PDSS2: variants seen among roughly 807,000 people sequenced by gnomAD.
PDSS2 encodes the protein decaprenyl diphosphate synthase subunit 2, also known as all trans-polyprenyl-diphosphate synthase PDSS2.
In PDSS2, 31 loss-of-function variants were observed where a neutral mutation model predicts 44.5. That is an observed-to-expected ratio of 0.70 (90% confidence interval 0.52 to 0.94). The LOEUF is 0.94. Ranked by LOEUF, PDSS2 falls within the 40% of genes least tolerant of loss-of-function variation. The pLI is 0.00. For synonymous variants in PDSS2, 157 were observed against 180.3 expected, an observed-to-expected ratio of 0.87 and a Z score of 1.03; for missense variants, 452 against 482.2, an observed-to-expected ratio of 0.94 and a Z score of 0.59.
intron 2 of PDSS2, among the ~76,000 whole-genome samples, chr6:107,314,605 T>TG (rs1777144730): frequency 6.6e-6 from 1 of 152,208 alleles, no homozygotes. Flanking sequence ...AAAGAGGTTA[T>TG]GGTTTATTAC....
intron 3 of PDSS2, among the ~76,000 whole-genome samples, chr6:107,246,020 C>G (rs1291005584): frequency 6.6e-6 from 1 of 152,000 alleles, no homozygotes; most frequent in South Asian, 2.1e-4. Flanking sequence ...AATTTTCATA[C>G]TTATTACAGA....
chr6:107,457,381 C>G (rs1782078007), intron 1 of PDSS2, among the ~76,000 whole-genome samples: 3 of 152,192 alleles, frequency 2.0e-5, no homozygotes, highest in Admixed American at 2.0e-4. Context: ...GCATGTAAAT[C>G]TAAAACTACT....
intron 6 of PDSS2, 43 bp from the exon 7 acceptor site, chr6:107,193,897 A>T: frequency 7.9e-7 from 1 of 1,260,038 alleles, no homozygotes; most frequent in Non-Finnish European, 1.2e-6. Context: ...CTTCTCTAAA[A>T]GTTTAGTGCT....
intron 2 of PDSS2, among the ~76,000 whole-genome samples, chr6:107,318,924 G>T (rs993322005): frequency 1.3e-5 from 2 of 152,028 alleles, no homozygotes; most frequent in Admixed American, 6.6e-5. Flanking sequence ...GGAGACAGAG[G>T]TTGCAGTGAG....
At chr6:107,178,695 A>G (rs1771874461) in intron 7 of PDSS2, among the ~76,000 whole-genome samples, 1 of 152,170 alleles carries the variant, frequency 6.6e-6, no homozygotes, top group African/African-American at 2.4e-5. Flanking sequence ...TAGTATGTCT[A>G]AAGCACTTTG....
intron 4 of PDSS2, among the ~76,000 whole-genome samples, chr6:107,228,916 CT>C (rs1187272404): frequency 1.3e-5 from 2 of 152,002 alleles, no homozygotes; most frequent in African/African-American, 4.8e-5. Context: ...GTGACAGAAG[CT>C]TGAACAAATG....
At chr6:107,237,085 C>T (rs1774250798) in intron 4 of PDSS2, among the ~76,000 whole-genome samples, 1 of 151,740 alleles carries the variant, frequency 6.6e-6, no homozygotes, top group African/African-American at 2.4e-5. Flanking sequence ...ACAGGCATAC[C>T]ACCATGTCTG....
chr6:107,253,412 G>A (rs1774893999), intron 3 of PDSS2, among the ~76,000 whole-genome samples: 1 of 152,102 alleles, frequency 6.6e-6, no homozygotes. Context: ...TACTTTTTTT[G>A]CAGTGTTTTT....
chr6:107,401,468 A>ACCCCAGAT (rs1390821501), intron 1 of PDSS2, among the ~76,000 whole-genome samples: 1 of 152,220 alleles, frequency 6.6e-6, no homozygotes, highest in African/African-American at 2.4e-5. Context: ...AGCGACTGTT[A>ACCCCAGAT]CCCCAGATGT....
intron 1 of PDSS2, among the ~76,000 whole-genome samples, chr6:107,381,395 G>T (rs73513158): frequency 6.6e-6 from 1 of 152,076 alleles, no homozygotes; most frequent in South Asian, 2.1e-4. Flanking sequence ...CAGAAAACTG[G>T]CTCATCCTCT....
At chr6:107,209,456 T>G (rs143807040) in intron 6 of PDSS2, among the ~76,000 whole-genome samples, 376 of 152,234 alleles carry the variant, frequency 2.5e-3, no homozygotes, top group East Asian at 0.012. Flanking sequence ...AGTTTTCTAC[T>G]TGGTGAATAT....
In PDSS2 at chr6:107,286,136, T is replaced by TAAATAAAAAAAA. The variant is rs568159749; in HGVS notation, c.432-11910_432-11909insTTTTTTTTATTT. ...CAAGGAGCAAAACTTCGTCGCAAAA[T>TAAATAAAAAAAA]AAAAAAAAAAAAAAGGAAAGAAAAG... On this transcript the variant is annotated intron_variant, in intron 2 of 7. Transcript: ENST00000369037. 6.8e-4 allele frequency among the ~76,000 whole-genome samples: 87 copies of TAAATAAAAAAAA among 128,726 alleles called. 1 individual carries two copies. The highest frequency in any genetic ancestry group is 1.3e-3 in the African/African-American group (43 of 32,484). The allele number at this position is 128,726 out of a possible 152,430, so 84.4% of individuals were successfully genotyped here.
chr6:107,210,639 G>C, intron 5 of PDSS2, 69 bp from the exon 6 acceptor site: 1 of 1,027,540 alleles, frequency 9.7e-7, no homozygotes. Context: ...GTTATATTCA[G>C]AAAGTACCAG....
chr6:107,396,445 G>T (rs1779942552), intron 1 of PDSS2, among the ~76,000 whole-genome samples: 1 of 152,114 alleles, frequency 6.6e-6, no homozygotes, highest in Non-Finnish European at 1.5e-5. Flanking sequence ...CAACAGTGTT[G>T]TTACCTGTTA....
intron 1 of PDSS2, among the ~76,000 whole-genome samples, chr6:107,347,174 G>A (rs906837803): frequency 6.6e-6 from 1 of 152,042 alleles, no homozygotes; most frequent in Non-Finnish European, 1.5e-5. Context: ...TGCAGCATAT[G>A]GCCCTGTGCC....
intron 1 of PDSS2, among the ~76,000 whole-genome samples, chr6:107,447,377 C>T (rs757780543): frequency 6.6e-6 from 1 of 152,072 alleles, no homozygotes; most frequent in Non-Finnish European, 1.5e-5. Flanking sequence ...GCATTACTAC[C>T]TAGACACATC....
chr6:107,409,470 G>C (rs1391341354), intron 1 of PDSS2, among the ~76,000 whole-genome samples: 1 of 151,998 alleles, frequency 6.6e-6, no homozygotes, highest in Non-Finnish European at 1.5e-5. Flanking sequence ...GTTTGACTTA[G>C]ATACAGAAGT....
chr6:107,171,978 A>T (rs1554248715), intron 7 of PDSS2, among the ~76,000 whole-genome samples: 2 of 152,102 alleles, frequency 1.3e-5, no homozygotes, highest in Non-Finnish European at 2.9e-5. Flanking sequence ...AGGTGAATTA[A>T]CAGTCAGTGT....
At chr6:107,190,279 G>A (rs1354392529) in intron 7 of PDSS2, among the ~76,000 whole-genome samples, 2 of 152,006 alleles carry the variant, frequency 1.3e-5, no homozygotes, top group Non-Finnish European at 2.9e-5. Flanking sequence ...TGTGTCAAAC[G>A]CTTTCCTTTC....
Sources: gnomAD v4.1 joint callset for allele counts (sites outside exome capture counted in the v4.1 genomes callset) on GRCh38, gnomAD v4.1.1 for gene constraint, MANE v1.5 for transcripts, NCBI Gene and HGNC (gene_info 2026-07-23, HGNC 2026-07-21) for gene names.